DLGAP2: variants seen among roughly 807,000 people sequenced by gnomAD.
The protein encoded by DLGAP2 is disks large-associated protein 2.
DLGAP2 carries 26 observed loss-of-function variants against 100.3 expected under a neutral mutation model. The ratio of observed to expected loss-of-function variants is 0.26; its 90% CI spans 0.19 to 0.36. DLGAP2 has a LOEUF of 0.36. DLGAP2 is among the 10% of genes least tolerant of loss of function. The probability of loss-of-function intolerance (pLI) is 1.00; values close to 1 mark genes in which losing one functional copy is unlikely to be tolerated. For synonymous variants in DLGAP2, 886 were observed against 630.1 expected (o/e 1.41, Z -6.08); for missense variants, 1,858 against 1,453.2 (o/e 1.28, Z -4.53).
intron 2 of DLGAP2, among the ~76,000 whole-genome samples, chr8:1,191,043 C>T (rs902766201): frequency 1.3e-5 from 2 of 152,266 alleles, no homozygotes; most frequent in South Asian, 4.1e-4. Flanking sequence ...CCAGGATGAC[C>T]CTGCCACATC....
chr8:1,701,566 AG>A lies in DLGAP2; in HGVS notation c.*161del, dbSNP rs1038125966. 2 of 760,126 alleles carry A rather than the reference AG, an allele frequency of 2.6e-6. No homozygotes were observed. Among genetic ancestry groups the A allele is most frequent in the Non-Finnish European group, 4.1e-6 (2 of 487,012 alleles). The allele number at this position is 760,126 out of a possible 1,614,324, so 47.1% of individuals were successfully genotyped here. A position where few individuals can be genotyped will look rare whatever the true frequency, so the allele number is the denominator to read the frequency against. On this transcript the variant is annotated 3_prime_UTR_variant, in exon 15 of 15. Transcript: ENST00000637795. ...ACAGCGGGACGCGGCCGGCGGCCTC[AG>A]AGTCCACGGAGCTCGCGGCGAGGAC...
At chr8:1,598,840 G>T (rs1246482810) in intron 6 of DLGAP2, among the ~76,000 whole-genome samples, 2 of 151,758 alleles carry the variant, frequency 1.3e-5, no homozygotes, top group Admixed American at 6.6e-5. Flanking sequence ...GATTTTTTTT[G>T]AAGGGTTTTT....
intron 2 of DLGAP2, among the ~76,000 whole-genome samples, chr8:918,125 C>T (rs2129000880): frequency 6.6e-6 from 1 of 152,306 alleles, no homozygotes; most frequent in African/African-American, 2.4e-5. Context: ...GTGCCTTCCC[C>T]AGCTCTGGAA....
At chr8:1,120,220 G>C (rs1032180070) in intron 2 of DLGAP2, among the ~76,000 whole-genome samples, 5 of 152,102 alleles carry the variant, frequency 3.3e-5, no homozygotes, top group African/African-American at 1.2e-4. Flanking sequence ...CCTCCATGCA[G>C]CTGCTTCTGT....
intron 1 of DLGAP2, among the ~76,000 whole-genome samples, chr8:790,111 T>A (rs1821988647): frequency 6.6e-6 from 1 of 152,106 alleles, no homozygotes; most frequent in South Asian, 2.1e-4. Context: ...AAGTAAGAAT[T>A]TGAGGAGAAA....
intron 2 of DLGAP2, among the ~76,000 whole-genome samples, chr8:931,678 G>A (rs549531076): frequency 6.6e-6 from 1 of 152,240 alleles, no homozygotes; most frequent in African/African-American, 2.4e-5. Flanking sequence ...AGCCCTTCCC[G>A]TCGTCCTGGT....
At chr8:1,213,273 C>T (rs1482314391) in intron 2 of DLGAP2, among the ~76,000 whole-genome samples, 1 of 152,088 alleles carries the variant, frequency 6.6e-6, no homozygotes, top group Non-Finnish European at 1.5e-5. Flanking sequence ...GGATGTTGAT[C>T]GTTTAAGAAA....
intron 2 of DLGAP2, among the ~76,000 whole-genome samples, chr8:1,057,284 C>A (rs6994989): frequency 0.44 from 67,253 of 151,986 alleles, 15,763 homozygotes; most frequent in African/African-American, 0.6. Flanking sequence ...ATTTAATTAC[C>A]TACATTGAAG....
rs146392418 is a variant in DLGAP2 at position 1,523,332 on chromosome 8, G to A, written c.172+21901G>A. Among the ~76,000 whole-genome samples the A allele has an allele frequency of 2.4e-4, 37 of 152,360 alleles. No individual in the cohort carries two copies. In the East Asian group the frequency reaches 6.6e-3, roughly 27 times the overall value. ...GACACACGACAGAGAACAGCGTCAC[G>A]GGGTCACCGTCCCACTTCCCACCCC... On this transcript the variant is annotated intron_variant, in intron 4 of 14. Transcript: ENST00000637795.
At chr8:1,587,376 G>A (rs1270769444) in intron 6 of DLGAP2, among the ~76,000 whole-genome samples, 3 of 152,254 alleles carry the variant, frequency 2.0e-5, no homozygotes, top group African/African-American at 7.2e-5. Flanking sequence ...AGAGGAACTG[G>A]CTCTTGGGTG....
intron 1 of DLGAP2, among the ~76,000 whole-genome samples, chr8:822,973 G>A (rs531786672): frequency 6.6e-6 from 1 of 152,250 alleles, no homozygotes; most frequent in South Asian, 2.1e-4. Flanking sequence ...GGCATTTCAC[G>A]AGATTTGTCA....
intron 7 of DLGAP2, among the ~76,000 whole-genome samples, chr8:1,630,535 T>C (rs1205496755): frequency 6.6e-6 from 1 of 152,150 alleles, no homozygotes; most frequent in East Asian, 1.9e-4. Flanking sequence ...ACCTCGTCTC[T>C]ACTAAAAATA....
chr8:985,008 C>A (rs1276091174), intron 2 of DLGAP2, among the ~76,000 whole-genome samples: 1 of 152,212 alleles, frequency 6.6e-6, no homozygotes, highest in Non-Finnish European at 1.5e-5. Flanking sequence ...TGAAATGTCT[C>A]AGGCATACTT....
intron 1 of DLGAP2, among the ~76,000 whole-genome samples, chr8:860,500 C>T (rs914177285): frequency 1.3e-5 from 2 of 152,250 alleles, no homozygotes; most frequent in African/African-American, 2.4e-5. Context: ...TCGCTGGGGC[C>T]GTAGAGAATG....
At chr8:1,575,455 T>TTTTTTATTATTATTA (rs71518179) in intron 6 of DLGAP2, among the ~76,000 whole-genome samples, 1 of 141,202 alleles carries the variant, frequency 7.1e-6, no homozygotes, top group Non-Finnish European at 1.5e-5. Context: ...GAGGATATTC[T>TTTTTTATTATTATTA]TTATTATTAT....
At chr8:1,285,108 A>G (rs186582271) in intron 3 of DLGAP2, among the ~76,000 whole-genome samples, 1 of 152,216 alleles carries the variant, frequency 6.6e-6, no homozygotes, top group African/African-American at 2.4e-5. Flanking sequence ...CATATTTTTT[A>G]TGTAATTGAA....
chr8:1,635,988 C>T (rs1039133718), intron 8 of DLGAP2, among the ~76,000 whole-genome samples: 1 of 152,184 alleles, frequency 6.6e-6, no homozygotes, highest in Admixed American at 6.5e-5. Flanking sequence ...CCCTGTGAGG[C>T]GGTGTGAGCC....
At chr8:1,557,829 G>A (rs1268957897) in intron 5 of DLGAP2, among the ~76,000 whole-genome samples, 1 of 152,202 alleles carries the variant, frequency 6.6e-6, no homozygotes, top group Non-Finnish European at 1.5e-5. Flanking sequence ...CAGGATCAGT[G>A]CCCACCCTGG....
chr8:1,361,828 C>T (rs1801988632), intron 3 of DLGAP2, among the ~76,000 whole-genome samples: 2 of 152,238 alleles, frequency 1.3e-5, no homozygotes, highest in South Asian at 4.1e-4. Flanking sequence ...GAGAAACGTG[C>T]TCGCGGCGTC....
Sources: gnomAD v4.1 joint callset for allele counts (sites outside exome capture counted in the v4.1 genomes callset) on GRCh38, gnomAD v4.1.1 for gene constraint, MANE v1.5 for transcripts, NCBI Gene and HGNC (gene_info 2026-07-23, HGNC 2026-07-21) for gene names.